DCC: variants seen among roughly 807,000 people sequenced by gnomAD.
DCC encodes netrin receptor DCC.
A neutral mutation model predicts 172.5 loss-of-function variants in DCC; 58 were observed. That is an observed-to-expected ratio of 0.34 (90% CI 0.27 to 0.42). The LOEUF is 0.42. DCC is among the 10% of genes least tolerant of loss of function. The pLI is 1.00. For missense variants in DCC, 1,740 were observed against 1,791.0 expected, an observed-to-expected ratio of 0.97 and a Z score of 0.51; for synonymous variants, 709 against 644.5, an observed-to-expected ratio of 1.10 and a Z score of -1.52.
At chr18:52,842,864 A>G (rs1357306098) in intron 2 of DCC, among the ~76,000 whole-genome samples, 1 of 152,206 alleles carries the variant, frequency 6.6e-6, no homozygotes, top group Non-Finnish European at 1.5e-5. Flanking sequence ...AATTGAGGGT[A>G]ATTCCTAGGT....
rs576499642 is a variant in DCC, at chr18:53,154,984, A to G, written c.1262-2372A>G. ...TCTGCTATAAAAGATTGACTAACTCACTGCCACTCTTCCATTTATTTAAAA... is the reference window on the plus strand; with the variant it reads ...TCTGCTATAAAAGATTGACTAACTCGCTGCCACTCTTCCATTTATTTAAAA... On this transcript the variant is annotated intron_variant, in intron 7 of 28. Coordinates refer to ENST00000442544, the MANE Select transcript of DCC (RefSeq NM_005215.4). Among the ~76,000 whole-genome samples, 859 of 152,298 alleles carry G rather than the reference A, an allele frequency of 5.6e-3. 6 individuals are homozygous for G. Among genetic ancestry groups the G allele is most frequent in the Admixed American group, 0.023 (352 of 15,290 alleles).
chr18:52,571,460 C>T (rs2033290858), intron 1 of DCC, among the ~76,000 whole-genome samples: 1 of 152,010 alleles, frequency 6.6e-6, no homozygotes, highest in South Asian at 2.1e-4. Flanking sequence ...CTTGCCCAGA[C>T]CAGCTTAAGA....
chr18:52,836,229 T>TTTGCATA (rs2145306562), intron 2 of DCC, among the ~76,000 whole-genome samples: 1 of 152,276 alleles, frequency 6.6e-6, no homozygotes, highest in African/African-American at 2.4e-5. Context: ...CAAGATGAGA[T>TTTGCATA]TTGCATAGGG....
intron 5 of DCC, among the ~76,000 whole-genome samples, chr18:53,046,419 G>C (rs1315163214): frequency 6.6e-6 from 1 of 151,580 alleles, no homozygotes; most frequent in African/African-American, 2.4e-5. Flanking sequence ...AATTGTTCAA[G>C]CTGAATAGCA....
chr18:53,227,384 C>T (rs2056050297), intron 12 of DCC, among the ~76,000 whole-genome samples: 3 of 152,172 alleles, frequency 2.0e-5, no homozygotes, highest in African/African-American at 7.2e-5. Context: ...CTCAATAACA[C>T]TCAACAATGA....
chr18:53,501,122 G>A (rs911227330), intron 27 of DCC, among the ~76,000 whole-genome samples: 4 of 152,168 alleles, frequency 2.6e-5, no homozygotes, highest in African/African-American at 7.2e-5. Flanking sequence ...TAGTATTCAA[G>A]ATAGTTGACA....
At chr18:52,517,295 G>A (rs961653700) in intron 1 of DCC, among the ~76,000 whole-genome samples, 2 of 152,296 alleles carry the variant, frequency 1.3e-5, no homozygotes, top group Non-Finnish European at 2.9e-5. Flanking sequence ...AGCTGCGGTG[G>A]TATTTGCCAG....
intron 26 of DCC, among the ~76,000 whole-genome samples, chr18:53,487,431 C>T (rs1032862754): frequency 1.6e-4 from 24 of 151,728 alleles, no homozygotes; most frequent in African/African-American, 5.3e-4. Context: ...AAAAGGATTT[C>T]CAGGGTATTA....
At chr18:52,948,793 A>G (rs1474135682) in intron 5 of DCC, among the ~76,000 whole-genome samples, 1 of 152,168 alleles carries the variant, frequency 6.6e-6, no homozygotes, top group Non-Finnish European at 1.5e-5. Flanking sequence ...ACATTTACAT[A>G]TATCATTTCC....
Position 52,521,646 on chromosome 18 carries a change from A to G in DCC, c.91+180768A>G, listed in dbSNP as rs560116870. Reference sequence around the variant, plus strand: ...TTAGGACTCTGCTGATAAACTCTGTATTTGTCTTCAGTTTGGGGGAGGTAT... The same window carrying G: ...TTAGGACTCTGCTGATAAACTCTGTGTTTGTCTTCAGTTTGGGGGAGGTAT... On this transcript the variant is annotated intron_variant, in intron 1 of 28. Transcript: ENST00000442544. Among the ~76,000 whole-genome samples, 15 of 152,126 alleles carry G rather than the reference A, an allele frequency of 9.9e-5. No homozygotes were observed. In the South Asian group the frequency reaches 2.7e-3, roughly 27 times the overall value.
intron 21 of DCC, among the ~76,000 whole-genome samples, chr18:53,417,798 GT>G (rs1214089772): frequency 6.6e-6 from 1 of 152,004 alleles, no homozygotes; most frequent in South Asian, 2.1e-4. Flanking sequence ...CTATTATATT[GT>G]TTTTTCTTTT....
At chr18:53,021,719 G>A (rs1327096233) in intron 5 of DCC, among the ~76,000 whole-genome samples, 1 of 152,208 alleles carries the variant, frequency 6.6e-6, no homozygotes, top group Non-Finnish European at 1.5e-5. Context: ...TCTTGCAGAT[G>A]TACTGTAACA....
chr18:52,799,177 A>G (rs1352609213), intron 2 of DCC, among the ~76,000 whole-genome samples: 1 of 152,238 alleles, frequency 6.6e-6, no homozygotes, highest in African/African-American at 2.4e-5. Flanking sequence ...AAGCCATCTA[A>G]TCCGTGGCTA....
chr18:52,632,789 A>G (rs985857127), intron 1 of DCC, among the ~76,000 whole-genome samples: 3 of 152,038 alleles, frequency 2.0e-5, no homozygotes, highest in African/African-American at 7.2e-5. Flanking sequence ...CTTCTTTACT[A>G]GGTTGTTTAT....
intron 2 of DCC, among the ~76,000 whole-genome samples, chr18:52,802,891 G>T (rs1349045014): frequency 6.6e-6 from 1 of 151,636 alleles, no homozygotes; most frequent in African/African-American, 2.4e-5. Context: ...CACATACTTT[G>T]CATATTTGTT....
intron 1 of DCC, among the ~76,000 whole-genome samples, chr18:52,684,111 A>G (rs2035791177): frequency 6.6e-6 from 1 of 152,120 alleles, no homozygotes; most frequent in Admixed American, 6.6e-5. Context: ...TGTTTTGTCC[A>G]TAGGTGTTCT....
At chr18:52,914,201 T>TA (rs1302379708) in intron 3 of DCC, among the ~76,000 whole-genome samples, 2 of 112,138 alleles carry the variant, frequency 1.8e-5, no homozygotes, top group Non-Finnish European at 4.3e-5. Context: ...AGCTGCAAAA[T>TA]TAAAAAAAAA....
chr18:52,762,079 TA>T (rs2037170907), intron 2 of DCC, among the ~76,000 whole-genome samples: 1 of 152,186 alleles, frequency 6.6e-6, no homozygotes, highest in South Asian at 2.1e-4. Flanking sequence ...TATGGAGTTC[TA>T]ATTTCTGGAG....
intron 1 of DCC, among the ~76,000 whole-genome samples, chr18:52,520,359 G>A (rs779470145): frequency 6.6e-6 from 1 of 152,216 alleles, no homozygotes; most frequent in African/African-American, 2.4e-5. Flanking sequence ...GTAAATCCAA[G>A]TTAACTTACC....
Sources: allele counts gnomAD v4.1 joint callset (sites outside exome capture counted in the v4.1 genomes callset), GRCh38; gene constraint gnomAD v4.1.1; transcripts MANE v1.5; gene names NCBI Gene and HGNC (gene_info 2026-07-23, HGNC 2026-07-21).